Variants in TRAPPC9 observed in about 807,000 individuals in gnomAD.
The protein encoded by TRAPPC9 is IKK2 binding protein.
TRAPPC9 carries 83 observed loss-of-function variants against 124.0 expected under a neutral mutation model. The ratio of observed to expected loss-of-function variants is 0.67; its 90% CI spans 0.56 to 0.80. The LOEUF (loss-of-function observed/expected upper bound fraction) is 0.80, where lower values mean the gene tolerates loss of function less well. Ranked by LOEUF, TRAPPC9 falls within the 30% of genes least tolerant of loss-of-function variation. The probability of loss-of-function intolerance (pLI) is 0.00; values close to 1 mark genes in which losing one functional copy is unlikely to be tolerated. For synonymous variants in TRAPPC9, 638 were observed against 617.5 expected, an observed-to-expected ratio of 1.03 and a Z score of -0.49; for missense variants, 1,302 against 1,508.3, an observed-to-expected ratio of 0.86 and a Z score of 2.27.
chr8:140,015,541 A>G (rs192403885), intron 18 of TRAPPC9, among the ~76,000 whole-genome samples: 118 of 152,304 alleles, frequency 7.7e-4, no homozygotes, highest in African/African-American at 2.8e-3. Flanking sequence ...AGAATTTAGC[A>G]CTTTGGGAGG....
At chr8:140,271,475 C>T (rs1272124111) in intron 15 of TRAPPC9, among the ~76,000 whole-genome samples, 3 of 151,988 alleles carry the variant, frequency 2.0e-5, no homozygotes, top group Non-Finnish European at 4.4e-5. Context: ...CAACAAAGAG[C>T]TCACACCAAG....
chr8:139,778,339 T>C (rs1821539411), intron 21 of TRAPPC9, among the ~76,000 whole-genome samples: 1 of 152,210 alleles, frequency 6.6e-6, no homozygotes, highest in African/African-American at 2.4e-5. Flanking sequence ...TTTAACTGTA[T>C]CTTAGCATCT....
chr8:139,798,845 C>T (rs1242236028), intron 21 of TRAPPC9, among the ~76,000 whole-genome samples: 1 of 152,170 alleles, frequency 6.6e-6, no homozygotes, highest in Admixed American at 6.5e-5. Flanking sequence ...GTTCTGGAGG[C>T]CAGAAGTCTG....
intron 17 of TRAPPC9, among the ~76,000 whole-genome samples, chr8:140,059,552 T>C (rs1168065597): frequency 3.9e-5 from 6 of 152,230 alleles, no homozygotes; most frequent in African/African-American, 1.2e-4. Context: ...AGCCACACCA[T>C]TGTACACTGT....
At chr8:139,851,657 G>A (rs773164661) in intron 21 of TRAPPC9, among the ~76,000 whole-genome samples, 3 of 152,142 alleles carry the variant, frequency 2.0e-5, no homozygotes, top group South Asian at 2.1e-4. Context: ...CGAACCCAAC[G>A]TTCAAAAGGG....
intron 9 of TRAPPC9, among the ~76,000 whole-genome samples, chr8:140,359,101 CGTCTGCAGGCCACGGCA>C (rs1563971938): frequency 6.6e-6 from 1 of 152,206 alleles, no homozygotes; most frequent in East Asian, 1.9e-4. Flanking sequence ...ACATGGGACA[CGTCTGCAGGCCACGGCA>C]GTGCAGGGCT....
chr8:139,922,710 C>T (rs948468831), intron 19 of TRAPPC9, among the ~76,000 whole-genome samples: 1 of 152,196 alleles, frequency 6.6e-6, no homozygotes, highest in African/African-American at 2.4e-5. Context: ...AAGCCCAGGA[C>T]CCAGATCTGA....
intron 21 of TRAPPC9, among the ~76,000 whole-genome samples, chr8:139,824,820 C>T (rs1465284662): frequency 6.6e-6 from 1 of 152,192 alleles, no homozygotes; most frequent in African/African-American, 2.4e-5. Flanking sequence ...ACCTCGGCCT[C>T]CCAAAGTGCT....
intron 19 of TRAPPC9, among the ~76,000 whole-genome samples, chr8:139,937,036 GGA>G (rs1270686633): frequency 6.6e-6 from 1 of 151,458 alleles, no homozygotes; most frequent in Non-Finnish European, 1.5e-5. Context: ...TATAAAGCAT[GGA>G]GAGAGTGGGG....
At chr8:139,810,103 A>G (rs1314562033) in intron 21 of TRAPPC9, among the ~76,000 whole-genome samples, 1 of 152,250 alleles carries the variant, frequency 6.6e-6, no homozygotes, top group African/African-American at 2.4e-5. Flanking sequence ...ACAGAGAGAC[A>G]GACAGTGCCA....
At chr8:139,741,100 C>T (rs1465047558) in intron 21 of TRAPPC9, among the ~76,000 whole-genome samples, 1 of 152,200 alleles carries the variant, frequency 6.6e-6, no homozygotes, top group Non-Finnish European at 1.5e-5. Context: ...CACGGCCTCC[C>T]CCTCCTCCAG....
chr8:140,138,742 G>A (rs544911534), intron 17 of TRAPPC9, among the ~76,000 whole-genome samples: 5 of 152,288 alleles, frequency 3.3e-5, no homozygotes, highest in African/African-American at 7.2e-5. Context: ...TGCTGTGCTC[G>A]GCCTTCAGAA....
chr8:140,239,517 G>C (rs1434262656), intron 16 of TRAPPC9, among the ~76,000 whole-genome samples: 1 of 152,200 alleles, frequency 6.6e-6, no homozygotes, highest in Non-Finnish European at 1.5e-5. Flanking sequence ...GCGAGATGAG[G>C]GTGGTGGAGT....
chr8:140,060,396 G>A (rs1260585983), intron 17 of TRAPPC9, among the ~76,000 whole-genome samples: 1 of 152,198 alleles, frequency 6.6e-6, no homozygotes, highest in Non-Finnish European at 1.5e-5. Context: ...TGGCCTTGTG[G>A]TGACCCCCAG....
rs180914911 is a variant in TRAPPC9 at position 140,013,341 on chromosome 8, C to G, written c.2699+10596G>C. ...ACTTCCTGTCAAGCCACTCCTGACC[C>G]TAAGGAAAGGAAACTGTACTCCCCA... is the stretch of plus-strand genomic sequence containing the variant. On this transcript the variant is annotated intron_variant, in intron 18 of 22. Coordinates refer to ENST00000438773, the MANE Select transcript of TRAPPC9 (RefSeq NM_001160372.4). Among the ~76,000 whole-genome samples the G allele has an allele frequency of 1.5e-3, 228 of 152,302 alleles. 1 individual carries two copies. Among genetic ancestry groups the G allele is most frequent in the Middle Eastern group, 0.01 (3 of 294 alleles).
chr8:140,458,471 A>T, upstream of TRAPPC9: 1 of 1,572,704 alleles, frequency 6.4e-7, no homozygotes, highest in South Asian at 1.2e-5. Context: ...CGCCTCCAGG[A>T]TCGCAGGGCC....
chr8:139,784,624 TATATATATATATATATATATAA>T (rs1326552308), intron 21 of TRAPPC9, among the ~76,000 whole-genome samples: 2 of 141,502 alleles, frequency 1.4e-5, no homozygotes, highest in African/African-American at 2.5e-5. Context: ...TATATATATA[TATATATATATATATATATATAA>T]ATCAACTGCA....
At chr8:140,350,548 A>C (rs952776235) in intron 9 of TRAPPC9, among the ~76,000 whole-genome samples, 4 of 152,188 alleles carry the variant, frequency 2.6e-5, no homozygotes, top group African/African-American at 9.7e-5. Context: ...AGGACAAGGC[A>C]GATGGGGTCT....
intron 21 of TRAPPC9, among the ~76,000 whole-genome samples, chr8:139,831,129 C>T (rs2130841940): frequency 6.6e-6 from 1 of 152,278 alleles, no homozygotes; most frequent in South Asian, 2.1e-4. Flanking sequence ...GGAGAGAGGG[C>T]TGGGAATTGA....
Sources: allele counts gnomAD v4.1 joint callset (sites outside exome capture counted in the v4.1 genomes callset), GRCh38; gene constraint gnomAD v4.1.1; transcripts MANE v1.5; gene names NCBI Gene and HGNC (gene_info 2026-07-23, HGNC 2026-07-21).